The following GRXCR2 variants were observed in gnomAD, a reference collection of about 807,000 sequenced individuals.
The protein encoded by GRXCR2 is glutaredoxin and cysteine rich domain containing 2, also known as glutaredoxin domain-containing cysteine-rich protein 2.
In GRXCR2, 23 loss-of-function variants were observed where a neutral mutation model predicts 24.8. The ratio of observed to expected loss-of-function variants is 0.93; its 90% confidence interval spans 0.67 to 1.32. The LOEUF (loss-of-function observed/expected upper bound fraction) is 1.32. Among genes scored for constraint, GRXCR2 ranks in the 40% most tolerant of loss-of-function variants. The pLI is 0.00. For synonymous variants in GRXCR2, 130 were observed against 116.1 expected (o/e 1.12, Z -0.77); for missense variants, 315 against 303.4 (o/e 1.04, Z -0.28).
At chr5:145,904,471 C>A (rs749878300) in intron 2 of GRXCR2, among the ~76,000 whole-genome samples, 8 of 152,198 alleles carry the variant, frequency 5.3e-5, no homozygotes, top group Non-Finnish European at 1.2e-4. Context: ...GAGATGAACA[C>A]CTTCCTAACC....
intron 2 of GRXCR2, among the ~76,000 whole-genome samples, chr5:145,902,678 A>G (rs942508277): frequency 6.6e-6 from 1 of 152,138 alleles, no homozygotes; most frequent in Non-Finnish European, 1.5e-5. Context: ...TCTCTTTTAC[A>G]TTTTCCCTTC....
rs571737728 is a variant in GRXCR2, at chr5:145,924,633, G to T, written c.-70+11068C>A. ...AAATGGGATGACACGAAGATTAAGA[G>T]CACAGCCTGCCTGAGTGTAAGTTCC... On this transcript the variant is annotated intron_variant, in intron 2 of 3. Transcript: ENST00000639411. Among the ~76,000 whole-genome samples, 5 of 152,304 alleles carry T rather than the reference G, an allele frequency of 3.3e-5. No individual in the cohort carries two copies. In the South Asian group the frequency reaches 1.0e-3, roughly 32 times the overall value.
At chr5:145,900,380 G>A (rs1271256264) in intron 2 of GRXCR2, among the ~76,000 whole-genome samples, 2 of 152,058 alleles carry the variant, frequency 1.3e-5, no homozygotes, top group East Asian at 1.9e-4. Flanking sequence ...CATGCTTTCT[G>A]TACAGCCTGA....
At chr5:145,921,020 T>C (rs991822966) in intron 2 of GRXCR2, among the ~76,000 whole-genome samples, 16 of 152,250 alleles carry the variant, frequency 1.1e-4, no homozygotes, top group African/African-American at 3.4e-4. Flanking sequence ...AATAAATTTC[T>C]GTTGTTTATA....
At position 145,858,785 on chromosome 5, in the gene GRXCR2, G is replaced by A. The variant is rs1410005171; in HGVS notation, c.*948C>T. ...TCTAATTTTATAACCAACCTCAAGA[G>A]GAAAGAATCATCCTTACTATGCATA... On this transcript the variant is annotated 3_prime_UTR_variant, in exon 3 of 3. Transcript: ENST00000377976. 2.0e-5 allele frequency: 3 copies of A among 152,028 alleles called. No homozygotes were observed. Among genetic ancestry groups the A allele is most frequent in the Admixed American group, 2.0e-4 (3 of 15,274 alleles). 9.4% of individuals were successfully genotyped at this position (152,028 alleles called of 1,614,324 possible). A position where few individuals can be genotyped will look rare whatever the true frequency, so the allele number is the denominator to read the frequency against.
intron 2 of GRXCR2, among the ~76,000 whole-genome samples, chr5:145,929,489 G>A (rs953505950): frequency 3.3e-5 from 5 of 151,760 alleles, no homozygotes; most frequent in Admixed American, 1.3e-4. Flanking sequence ...CATTGTACCC[G>A]TCACACAACT....
intron 1 of GRXCR2, among the ~76,000 whole-genome samples, chr5:145,868,046 T>C (rs1466586524): frequency 1.3e-5 from 2 of 152,142 alleles, no homozygotes; most frequent in Non-Finnish European, 2.9e-5. Flanking sequence ...AATGTTCCTG[T>C]GGTTAAATAT....
Position 145,913,747 on chromosome 5 carries a change from T to G in GRXCR2, c.-70+21954A>C, listed in dbSNP as rs1433820321. Among the ~76,000 whole-genome samples the G allele has an allele frequency of 2.6e-5, 4 of 152,262 alleles. No homozygotes were observed. In the East Asian group the frequency reaches 5.8e-4, roughly 22 times the overall value. The stretch of plus-strand genomic sequence containing the variant: ...CATGTCGCCCAGGCTGGTTTGGAAC[T>G]CCTGGGCTCAAGTGATCCGTCTGCT... On this transcript the variant is annotated intron_variant, in intron 2 of 3. Transcript: ENST00000639411.
Position 145,859,828 on chromosome 5 carries a change from T to C in GRXCR2, c.652A>G (p.Met218Val), listed in dbSNP as rs1315659205. 6.2e-7 allele frequency: 1 copy of C among 1,613,762 alleles called. No individual in the cohort carries two copies. The highest frequency in any genetic ancestry group is 8.5e-7 in the Non-Finnish European group (1 of 1,179,820). Residue 218 changes from methionine to valine, a missense_variant, in exon 3 of 3, where the codon ATG (methionine) becomes GTG (valine). Physicochemically the swap from Met to Val is conservative, Grantham distance 21. Transcript: ENST00000377976. The stretch of plus-strand genomic sequence containing the variant: ...GACTCCTTAAATCTGTTGGCCAGCA[T>C]CGAGAACTTGCTGCCGTGGCACAGA... ...CSLCHGSKFS[M>V]LANRFKESYR...
intron 2 of GRXCR2, among the ~76,000 whole-genome samples, chr5:145,913,974 A>G (rs1471955542): frequency 6.6e-6 from 1 of 152,248 alleles, no homozygotes; most frequent in Non-Finnish European, 1.5e-5. Flanking sequence ...ATCATGCTGC[A>G]GACCAAAGAA....
intron 2 of GRXCR2, among the ~76,000 whole-genome samples, chr5:145,901,481 C>G (rs868292462): frequency 2.0e-5 from 3 of 152,224 alleles, no homozygotes; most frequent in Non-Finnish European, 2.9e-5. Flanking sequence ...GTTAGGAATA[C>G]AGCACTAAAC....
In GRXCR2 at chr5:145,858,909, T is replaced by C. The variant is rs1204655649; in HGVS notation, c.*824A>G. 6.6e-6 allele frequency: 1 copy of C among 152,220 alleles called. No individual in the cohort carries two copies. The highest frequency in any genetic ancestry group is 1.5e-5 in the Non-Finnish European group (1 of 68,044). 9.4% of individuals were successfully genotyped at this position (152,220 alleles called of 1,614,324 possible). ...GTAATCTATAAAATACCTGCAGTCC[T>C]TTATGAAGAGATCATGGCTAGGTTC... is the stretch of plus-strand genomic sequence containing the variant. On this transcript the variant is annotated 3_prime_UTR_variant, in exon 3 of 3. Transcript: ENST00000377976.
chr5:145,906,348 T>TA (rs1206314484), intron 2 of GRXCR2, among the ~76,000 whole-genome samples: 1,459 of 144,686 alleles, frequency 0.01, 8 homozygotes, highest in Middle Eastern at 0.014. Flanking sequence ...GGGAAAATGT[T>TA]AAAAAAAAAA....
chr5:145,896,293 A>G (rs1217244625), intron 2 of GRXCR2, among the ~76,000 whole-genome samples: 1 of 152,272 alleles, frequency 6.6e-6, no homozygotes, highest in East Asian at 1.9e-4. Flanking sequence ...GGATGTAACT[A>G]AACTGAAGAG....
intron 1 of GRXCR2, among the ~76,000 whole-genome samples, chr5:145,867,590 A>G (rs1407648276): frequency 6.6e-6 from 1 of 152,224 alleles, no homozygotes; most frequent in African/African-American, 2.4e-5. Context: ...CAATATCACA[A>G]TGCAGTAGAG....
At chr5:145,896,421 C>CA (rs1485472726) in intron 2 of GRXCR2, among the ~76,000 whole-genome samples, 2 of 151,510 alleles carry the variant, frequency 1.3e-5, no homozygotes, top group South Asian at 2.1e-4. Context: ...ACAATGAACT[C>CA]AAAAAAATGT....
At chr5:145,900,279 C>G (rs1757006933) in intron 2 of GRXCR2, among the ~76,000 whole-genome samples, 1 of 152,054 alleles carries the variant, frequency 6.6e-6, no homozygotes, top group African/African-American at 2.4e-5. Flanking sequence ...CTTCCCCCTT[C>G]ACTCTCTTCC....
chr5:145,909,763 C>T (rs1004004745), intron 2 of GRXCR2, among the ~76,000 whole-genome samples: 4 of 152,190 alleles, frequency 2.6e-5, no homozygotes, highest in African/African-American at 9.7e-5. Context: ...TGACCATGAC[C>T]TCATTTTACT....
chr5:145,929,260 T>C (rs939965359), intron 2 of GRXCR2, among the ~76,000 whole-genome samples: 1 of 147,300 alleles, frequency 6.8e-6, no homozygotes, highest in African/African-American at 2.5e-5. Context: ...TTTTTGGACA[T>C]CAGGCTGTTT....
Sources: gnomAD v4.1 joint callset for allele counts (sites outside exome capture counted in the v4.1 genomes callset) on GRCh38, gnomAD v4.1.1 for gene constraint, MANE v1.5 for transcripts, NCBI Gene and HGNC (gene_info 2026-07-23, HGNC 2026-07-21) for gene names.